Variants in RIMKLB observed in about 807,000 individuals in gnomAD.
RIMKLB encodes the protein beta-citrylglutamate synthase B.
In RIMKLB, 7 loss-of-function variants were observed where a neutral mutation model predicts 32.0. That is an observed-to-expected ratio of 0.22 (90% CI 0.12 to 0.41). The LOEUF (loss-of-function observed/expected upper bound fraction) is 0.41. RIMKLB is among the 10% of genes least tolerant of loss of function. The probability of loss-of-function intolerance (pLI) is 1.00; values close to 1 mark genes in which losing one functional copy is unlikely to be tolerated. For missense variants in RIMKLB, 289 were observed against 498.7 expected (o/e 0.58, Z 4.00); for synonymous variants, 172 against 185.1 (o/e 0.93, Z 0.57).
chr12:8,725,876 C>G (rs1238163789), intron 2 of RIMKLB, among the ~76,000 whole-genome samples: 1 of 152,146 alleles, frequency 6.6e-6, no homozygotes, highest in Non-Finnish European at 1.5e-5. Flanking sequence ...GAGACAAGGT[C>G]TCACTGTGTC....
chr12:8,713,469 TAAAAC>T lies in RIMKLB; in HGVS notation c.-56-337_-56-333del, dbSNP rs758388149. ...AAGAACAGAATGTTGAGGGAGGAGA[TAAAAC>T]AAAAAGTCAGTGATCAGATTAAAGT... On this transcript the variant is annotated intron_variant, in intron 1 of 5. Coordinates refer to ENST00000535829, the MANE Select transcript of RIMKLB (RefSeq NM_001297776.2). 1.1e-3 allele frequency among the ~76,000 whole-genome samples: 166 copies of T among 152,256 alleles called. 1 individual carries two copies. Among genetic ancestry groups the T allele is most frequent in the African/African-American group, 3.7e-3 (155 of 41,556 alleles).
In RIMKLB at chr12:8,774,711, T is replaced by A. The variant is rs760197545; in HGVS notation, c.*927T>A. 5.2e-5 allele frequency: 51 copies of A among 985,724 alleles called. No individual in the cohort carries two copies. Among genetic ancestry groups the A allele is most frequent in the Non-Finnish European group, 5.9e-5 (49 of 829,900 alleles). The allele number at this position is 985,724 out of a possible 1,614,324, so 61.1% of individuals were successfully genotyped here. A position where few individuals can be genotyped will look rare whatever the true frequency, so the allele number is the denominator to read the frequency against. On this transcript the variant is annotated 3_prime_UTR_variant, in exon 6 of 6. Coordinates refer to ENST00000535829, the MANE Select transcript of RIMKLB (RefSeq NM_001297776.2). Reference sequence around the variant, plus strand: ...TTGAAACATGTACATTTAAAGCCTTTTATTTTTTCCCTTTTTGTTTTGGTA... The same window carrying A: ...TTGAAACATGTACATTTAAAGCCTTATATTTTTTCCCTTTTTGTTTTGGTA...
intron 1 of RIMKLB, among the ~76,000 whole-genome samples, chr12:8,686,644 T>C (rs1942584124): frequency 6.6e-6 from 1 of 150,610 alleles, no homozygotes; most frequent in Non-Finnish European, 1.5e-5. Context: ...CACGCCCGGC[T>C]AATTTTTTTT....
intron 1 of RIMKLB, among the ~76,000 whole-genome samples, chr12:8,705,272 T>G (rs1943759985): frequency 6.6e-6 from 1 of 151,778 alleles, no homozygotes. Flanking sequence ...AAGTCAGGAG[T>G]TCGAGACCAG....
intron 5 of RIMKLB, among the ~76,000 whole-genome samples, chr12:8,770,960 A>G (rs1304005640): frequency 2.0e-5 from 3 of 152,202 alleles, no homozygotes; most frequent in Admixed American, 6.5e-5. Flanking sequence ...TGTTATCTGT[A>G]TATTATAAAG....
intron 2 of RIMKLB, among the ~76,000 whole-genome samples, chr12:8,716,725 C>CTTTTTTTTTTTTTTTTTT (rs71451981): frequency 1.1e-5 from 1 of 95,158 alleles, no homozygotes; most frequent in Non-Finnish European, 2.0e-5. Context: ...TCTTTTCCTT[C>CTTTTTTTTTTTTTTTTTT]TTTTTTTTTT....
chr12:8,768,305 G>A (rs1374648682), intron 5 of RIMKLB, among the ~76,000 whole-genome samples: 1 of 152,224 alleles, frequency 6.6e-6, no homozygotes, highest in Admixed American at 6.5e-5. Flanking sequence ...AGGGGTGGAA[G>A]TCAACGGTGG....
At chr12:8,739,019 G>T (rs766779305) in intron 2 of RIMKLB, among the ~76,000 whole-genome samples, 1 of 152,286 alleles carries the variant, frequency 6.6e-6, no homozygotes, top group South Asian at 2.1e-4. Context: ...AGTATTGCTG[G>T]TGAGCTAGAA....
chr12:8,733,802 T>C (rs1173398107), intron 2 of RIMKLB, among the ~76,000 whole-genome samples: 1 of 152,198 alleles, frequency 6.6e-6, no homozygotes. Flanking sequence ...GAGGATTGAT[T>C]GAGCACAGGA....
At chr12:8,717,625 A>G (rs1001452802) in intron 2 of RIMKLB, among the ~76,000 whole-genome samples, 2 of 152,204 alleles carry the variant, frequency 1.3e-5, no homozygotes, top group African/African-American at 2.4e-5. Context: ...GATATAATGT[A>G]AAAGGCTTGT....
At chr12:8,713,704 T>C (rs1944564477) in intron 1 of RIMKLB, 107 bp from the exon 2 acceptor site, 1 of 709,444 alleles carries the variant, frequency 1.4e-6, no homozygotes, top group East Asian at 2.8e-5. Flanking sequence ...ACGTGTTTTT[T>C]CCTGTTTATA....
chr12:8,753,730 G>A (rs1948800716), intron 4 of RIMKLB, among the ~76,000 whole-genome samples, 160 bp from the exon 5 acceptor site: 3 of 151,828 alleles, frequency 2.0e-5, no homozygotes, highest in Admixed American at 1.3e-4. Flanking sequence ...ATATATTTTT[G>A]TATTATTTCA....
chr12:8,758,057 T>A (rs1053796583), intron 5 of RIMKLB, among the ~76,000 whole-genome samples: 44 of 151,938 alleles, frequency 2.9e-4, no homozygotes, highest in Non-Finnish European at 2.9e-4. Flanking sequence ...CTTGCCTCCC[T>A]GAGAGCTGGG....
downstream of RIMKLB, among the ~76,000 whole-genome samples, chr12:8,781,591 T>A (rs1366537797): frequency 6.6e-6 from 1 of 152,160 alleles, no homozygotes; most frequent in African/African-American, 2.4e-5. Flanking sequence ...TCTCTCCCTG[T>A]CTTTGTGCCT....
At chr12:8,778,963 G>C (rs1026851151), downstream of RIMKLB, 3 of 152,186 alleles carry the variant, frequency 2.0e-5, no homozygotes, top group Admixed American at 6.5e-5. Flanking sequence ...CTCTTATAAG[G>C]ACAGTCATTC....
the RIMKLB span, among the ~76,000 whole-genome samples, chr12:8,674,396 G>A: frequency 2.7e-4 from 41 of 151,208 alleles, 2 homozygotes; most frequent in East Asian, 3.1e-3. Flanking sequence ...CCGCCACCAC[G>A]CCCTGCTAAT....
intron 2 of RIMKLB, among the ~76,000 whole-genome samples, chr12:8,728,011 T>C (rs904296319): frequency 6.6e-6 from 1 of 152,228 alleles, no homozygotes; most frequent in African/African-American, 2.4e-5. Flanking sequence ...CAACTTTTGG[T>C]ATCCATAGGT....
At chr12:8,767,838 A>G (rs1353191587) in intron 5 of RIMKLB, among the ~76,000 whole-genome samples, 2 of 152,148 alleles carry the variant, frequency 1.3e-5, no homozygotes, top group Non-Finnish European at 2.9e-5. Context: ...CATGCTAATT[A>G]TTTTTAACCA....
rs56225306 is a variant in RIMKLB, at chr12:8,773,523, A to G, written c.900A>G (p.Ala300=). 0.034 allele frequency: 55,463 copies of G among 1,614,204 alleles called. 1,149 individuals are homozygous for G. The highest frequency in any genetic ancestry group is 0.04 in the Non-Finnish European group (46,867 of 1,180,014). ...ACNLDVAGII[A]DYAASLLPSG... is the part of the protein sequence containing the mutation. ...ATCTAGATGTAGCTGGTATCATAGCAGACTATGCCGCCTCCCTTCTACCCT... is the reference window on the plus strand; with the variant it reads ...ATCTAGATGTAGCTGGTATCATAGCGGACTATGCCGCCTCCCTTCTACCCT... Residue 300 remains alanine (A), a synonymous_variant, in exon 6 of 6, where the codon GCA becomes GCG. Coordinates refer to ENST00000535829, the MANE Select transcript of RIMKLB (RefSeq NM_001297776.2).
Sources: gnomAD v4.1 joint callset for allele counts (sites outside exome capture counted in the v4.1 genomes callset) on GRCh38, gnomAD v4.1.1 for gene constraint, MANE v1.5 for transcripts, NCBI Gene and HGNC (gene_info 2026-07-23, HGNC 2026-07-21) for gene names.